The following RPS17 variants were observed in gnomAD, a reference collection of about 807,000 sequenced individuals.
RPS17 encodes ribosomal protein S17, also known as small ribosomal subunit protein eS17.
For missense variants in RPS17, 68 were observed against 182.3 expected, an observed-to-expected ratio of 0.37 and a Z score of 3.61; for synonymous variants, 75 against 65.6, an observed-to-expected ratio of 1.14 and a Z score of -0.70.
Position 82,540,384 on chromosome 15 carries a change from G to A in RPS17, c.3+42C>T, listed in dbSNP as rs964208475. On this transcript the variant is annotated intron_variant, in intron 1 of 4. Coordinates refer to ENST00000647841, the MANE Select transcript of RPS17 (RefSeq NM_001021.6). ...AGGACCGCGGGAAGCTGCAGATGGG[G>A]GACGATTGTGGAGGATGGCGGCCTC... The A allele has an allele frequency of 5.0e-6, 8 of 1,591,110 alleles. No homozygotes were observed. The African/African-American group carries it at 9.3e-5, about 19-fold the overall frequency.
At chr15:82,539,179 T>TC in intron 2 of RPS17, 194 bp from the exon 3 acceptor site, 1 of 703,544 alleles carries the variant, frequency 1.4e-6, no homozygotes, top group South Asian at 1.5e-5. Flanking sequence ...GGTTTCTCAC[T>TC]CTCTATTCAA....
chr15:82,539,885 C>A, intron 2 of RPS17, 96 bp downstream of exon 2: 5 of 1,599,994 alleles, frequency 3.1e-6, no homozygotes, highest in Non-Finnish European at 4.3e-6. Flanking sequence ...CTCAGGCTAA[C>A]GAAACCACCA....
At chr15:82,537,867 C>A (rs1429359997) in intron 4 of RPS17, 10 of 456,128 alleles carry the variant, frequency 2.2e-5, no homozygotes, top group Admixed American at 4.7e-5. Context: ...ATAGAAAAAA[C>A]ATCAAAGTGC....
intron 4 of RPS17, chr15:82,537,156 C>G: frequency 5.5e-6 from 3 of 542,688 alleles, no homozygotes; most frequent in Non-Finnish European, 6.7e-6. Context: ...CAACCCCTTC[C>G]TATCAATCAC....
intron 4 of RPS17, chr15:82,537,184 C>T: frequency 2.1e-6 from 1 of 484,676 alleles, no homozygotes; most frequent in East Asian, 4.1e-5. Flanking sequence ...CACCGTTTCT[C>T]AATCTTGGCA....
chr15:82,540,179 T>C (rs1235327106), intron 1 of RPS17, 47 bp from the exon 2 acceptor site: 2 of 1,613,256 alleles, frequency 1.2e-6, no homozygotes, highest in Non-Finnish European at 8.5e-7. Flanking sequence ...CGCAACCTTC[T>C]GGGAAGAGTG....
chr15:82,537,416 T>C (rs1180209366), intron 4 of RPS17: 1 of 267,658 alleles, frequency 3.7e-6, no homozygotes, highest in South Asian at 4.3e-5. Flanking sequence ...CAGCCCTGGG[T>C]AAGAGCTATT....
chr15:82,540,407 C>G lies in RPS17; in HGVS notation c.3+19G>C, dbSNP rs1044295022. ...GGGGACGATTGTGGAGGATGGCGGC[C>G]TCGAGCCAAAACACCTACCATGTTG... On this transcript the variant is annotated intron_variant, in intron 1 of 4. Transcript: ENST00000647841. The G allele has an allele frequency of 5.0e-6, 8 of 1,593,760 alleles. No individual in the cohort carries two copies. In the South Asian group the frequency reaches 9.1e-5, roughly 18 times the overall value.
intron 2 of RPS17, chr15:82,539,451 G>A (rs2034303495): frequency 2.2e-6 from 1 of 459,190 alleles, no homozygotes; most frequent in Non-Finnish European, 4.4e-6. Context: ...AATTTGGGAG[G>A]CCGAGGCGGG....
At chr15:82,539,712 GAAAA>G (rs1185975593) in intron 2 of RPS17, 3 of 601,112 alleles carry the variant, frequency 5.0e-6, no homozygotes, top group Non-Finnish European at 8.8e-6. Context: ...AAAAAAGAAA[GAAAA>G]AAGTTGACAA....
intron 4 of RPS17, chr15:82,537,267 T>A (rs970403921): frequency 2.9e-6 from 1 of 343,724 alleles, no homozygotes; most frequent in African/African-American, 2.1e-5. Context: ...TTTAGCAACA[T>A]CCTTGGCCTC....
chr15:82,537,805 GC>G, intron 4 of RPS17: 1 of 447,370 alleles, frequency 2.2e-6, no homozygotes, highest in Non-Finnish European at 4.5e-6. Context: ...ATCACCAACC[GC>G]CCATGAAGCC....
chr15:82,537,299 T>C (rs1321364619), intron 4 of RPS17: 3 of 300,378 alleles, frequency 1.0e-5, no homozygotes, highest in East Asian at 1.6e-4. Flanking sequence ...AGTTAGCAGG[T>C]ATCCCCTGGC....
rs1469516018 is a variant in RPS17 at position 82,540,055 on chromosome 15, G to A, written c.81C>T (p.Asp27=). The change falls in exon 2 of 5, where the codon GAC becomes GAT. Residue 27 remains aspartate, a synonymous_variant. Transcript: ENST00000647841. Reference sequence around the variant, plus strand: ...CGCACACGCGCTTGTTCGTGTGGAAGTCGTTGCCCAGGCGCGTGTAGTACT... The same window carrying A: ...CGCACACGCGCTTGTTCGTGTGGAAATCGTTGCCCAGGCGCGTGTAGTACT... ...IEKYYTRLGN[D]FHTNKRVCEE... 2 of 1,612,700 alleles carry A rather than the reference G, an allele frequency of 1.2e-6. No individual in the cohort carries two copies. The highest frequency in any genetic ancestry group is 1.3e-5 in the African/African-American group (1 of 74,876).
intron 2 of RPS17, 56 bp from the exon 3 acceptor site, chr15:82,539,041 G>T: frequency 6.5e-7 from 1 of 1,535,416 alleles, no homozygotes; most frequent in Non-Finnish European, 9.0e-7. Context: ...ACTCCCACCT[G>T]GTACTGAGCA....
chr15:82,538,055 G>C, intron 4 of RPS17: 1 of 549,646 alleles, frequency 1.8e-6, no homozygotes, highest in East Asian at 4.4e-5. Context: ...ATAAAACCAA[G>C]AACAGAAGCA....
Position 82,540,411 on chromosome 15 carries a change from A to G in RPS17, c.3+15T>C, listed in dbSNP as rs1380480025. 3 of 1,595,328 alleles carry G rather than the reference A, an allele frequency of 1.9e-6. No individual in the cohort carries two copies. Among genetic ancestry groups the G allele is most frequent in the Middle Eastern group, 1.7e-4 (1 of 6,038 alleles). ...ACGATTGTGGAGGATGGCGGCCTCG[A>G]GCCAAAACACCTACCATGTTGGCGG... On this transcript the variant is annotated intron_variant, in intron 1 of 4. Coordinates refer to ENST00000647841, the MANE Select transcript of RPS17 (RefSeq NM_001021.6).
At chr15:82,538,458 G>T in intron 3 of RPS17, 87 bp from the exon 4 acceptor site, 1 of 1,437,244 alleles carries the variant, frequency 7.0e-7, no homozygotes, top group Non-Finnish European at 9.8e-7. Context: ...TCTTAAATAT[G>T]GGGAAGAGGA....
chr15:82,539,201 T>G (rs952953870), intron 2 of RPS17: 3 of 677,786 alleles, frequency 4.4e-6, no homozygotes, highest in Admixed American at 2.0e-5. Context: ...CTCTCCTTCA[T>G]GATGATCAAG....
Sources: allele counts gnomAD v4.1 joint callset, GRCh38; gene constraint gnomAD v4.1.1; transcripts MANE v1.5; gene names NCBI Gene and HGNC (gene_info 2026-07-23, HGNC 2026-07-21).